The following ZNF232 variants were observed in gnomAD, a reference collection of about 807,000 sequenced individuals.
ZNF232 encodes the protein zinc finger protein 232.
Under a neutral mutation model 25.2 loss-of-function variants are expected in ZNF232, and 25 were observed. That is an observed-to-expected ratio of 0.99 (90% confidence interval 0.72 to 1.39). ZNF232 has a LOEUF of 1.39. Ranked by LOEUF, ZNF232 falls within the 40% of genes most tolerant of loss-of-function variation. The probability of loss-of-function intolerance (pLI) is 0.00; values close to 1 mark genes in which losing one functional copy is unlikely to be tolerated. For synonymous variants in ZNF232, 193 were observed against 182.9 expected (o/e 1.06, Z -0.45); for missense variants, 519 against 520.9 (o/e 1.00, Z 0.04).
upstream of ZNF232, among the ~76,000 whole-genome samples, chr17:5,115,555 A>AACACACACACACACACACACACACACAC (rs61171102): frequency 1.4e-3 from 204 of 148,766 alleles, 2 homozygotes; most frequent in South Asian, 6.1e-3. Context: ...CGTCTCCAAA[A>AACACACACACACACACACACACACACAC]ACACACACAC....
intron 1 of ZNF232, among the ~76,000 whole-genome samples, chr17:5,117,370 G>T (rs1469598035): frequency 6.6e-6 from 1 of 152,102 alleles, no homozygotes; most frequent in East Asian, 1.9e-4. Flanking sequence ...ACAAAAATTA[G>T]CCGGGTGTGG....
intron 1 of ZNF232, among the ~76,000 whole-genome samples, chr17:5,118,711 G>A (rs1329543654): frequency 6.6e-6 from 1 of 152,214 alleles, no homozygotes; most frequent in Non-Finnish European, 1.5e-5. Context: ...GGATGGTGAA[G>A]GTGGAGAATT....
chr17:5,111,383 G>C, intron 1 of ZNF232: 1 of 252,310 alleles, frequency 4.0e-6, no homozygotes, highest in East Asian at 8.4e-5. Context: ...GAGCACAAAG[G>C]GGGACCGCTG....
At chr17:5,109,535 C>T in exon 2 of ZNF232, 1 of 1,614,192 alleles carries the variant, frequency 6.2e-7, no homozygotes. Context: ...CCAGGAACTC[C>T]AGGATCTGCT....
At chr17:5,114,144 T>C (rs925899780), upstream of ZNF232, 2 of 152,232 alleles carry the variant, frequency 1.3e-5, no homozygotes, top group Non-Finnish European at 2.9e-5. Context: ...TCTTTATCAT[T>C]ACTGTCTTCC....
exon 4 of ZNF232, chr17:5,106,461 G>A: frequency 6.2e-7 from 1 of 1,614,212 alleles, no homozygotes; most frequent in Non-Finnish European, 8.5e-7. Context: ...GGGTGGTTGT[G>A]GCAATGATCC....
exon 4 of ZNF232, chr17:5,105,851 A>G: frequency 6.2e-7 from 1 of 1,603,558 alleles, no homozygotes; most frequent in Non-Finnish European, 8.5e-7. Flanking sequence ...TTCTGGCATG[A>G]ACTCTCCGAT....
intron 1 of ZNF232, among the ~76,000 whole-genome samples, 178 bp from the exon 2 acceptor site, chr17:5,110,046 C>T (rs2072363070): frequency 6.6e-6 from 1 of 152,164 alleles, no homozygotes; most frequent in South Asian, 2.1e-4. Flanking sequence ...CCTGCCACCA[C>T]ATCCAGCTAA....
chr17:5,122,464 C>A (rs144944451), intron 1 of ZNF232, among the ~76,000 whole-genome samples: 56 of 152,320 alleles, frequency 3.7e-4, no homozygotes, highest in African/African-American at 1.2e-3. Context: ...TTTTTGCTCC[C>A]CGAAAAGGTT....
chr17:5,105,962 G>A, exon 4 of ZNF232: 1 of 1,614,156 alleles, frequency 6.2e-7, no homozygotes, highest in South Asian at 1.1e-5. Flanking sequence ...TTAGATATGA[G>A]CTTTGACTAA....
chr17:5,106,222 TGAA>T, exon 4 of ZNF232: 2 of 1,614,264 alleles, frequency 1.2e-6, no homozygotes, highest in Non-Finnish European at 1.7e-6. Context: ...GAGTTATAAA[TGAA>T]GGTTTTACCA....
chr17:5,120,800 T>G (rs1195003346), intron 1 of ZNF232: 4 of 450,428 alleles, frequency 8.9e-6, no homozygotes, highest in Non-Finnish European at 1.8e-5. Context: ...TGGGTGGCCA[T>G]ATGTAAGCAG....
At chr17:5,110,145 G>A (rs1036811313) in intron 1 of ZNF232, among the ~76,000 whole-genome samples, 1 of 152,076 alleles carries the variant, frequency 6.6e-6, no homozygotes, top group African/African-American at 2.4e-5. Flanking sequence ...ACCCACCTCG[G>A]CCTCCCAAAG....
Position 5,109,486 on chromosome 17 carries a change from G to A in ZNF232, c.406C>T (p.Gln136Ter), listed in dbSNP as rs765272244. 2 of 1,614,140 alleles carry A rather than the reference G, an allele frequency of 1.2e-6. No individual in the cohort carries two copies. Among genetic ancestry groups the A allele is most frequent in the South Asian group, 1.1e-5 (1 of 91,078 alleles). ...GGGTGATGTCCCCGCACCCAGGATT[G>A]GAGCTCCTCAGGCAGGATGGTCAAG... is the stretch of plus-strand genomic sequence containing the variant. The change falls in exon 2 of 4, where the codon CAA becomes TAA. Residue 136 changes from glutamine to a stop codon, truncating the protein, a stop_gained. Transcript: ENST00000575898. LOFTEE classifies it high-confidence loss of function.
At chr17:5,116,960 G>T (rs2072551937) in intron 1 of ZNF232, among the ~76,000 whole-genome samples, 1 of 152,208 alleles carries the variant, frequency 6.6e-6, no homozygotes, top group Non-Finnish European at 1.5e-5. Context: ...GGGCAAGAGG[G>T]CGGTGCCTAC....
upstream of ZNF232, chr17:5,115,152 C>T (rs912777054): frequency 2.8e-5 from 4 of 141,492 alleles, no homozygotes; most frequent in Non-Finnish European, 6.1e-5. Context: ...GGCATCAGGA[C>T]GTCTCATTTT....
upstream of ZNF232, chr17:5,113,728 C>G (rs1284726209): frequency 6.6e-6 from 1 of 152,170 alleles, no homozygotes; most frequent in African/African-American, 2.4e-5. Context: ...GACATCCACC[C>G]TAGAGTTCAG....
At chr17:5,120,162 C>T (rs1162617524) in intron 1 of ZNF232, among the ~76,000 whole-genome samples, 1 of 152,182 alleles carries the variant, frequency 6.6e-6, no homozygotes, top group East Asian at 1.9e-4. Context: ...GGCTTTGAGG[C>T]TGGTTATACA....
chr17:5,120,837 T>A (rs1214370272), intron 1 of ZNF232: 1 of 454,116 alleles, frequency 2.2e-6, no homozygotes, highest in Non-Finnish European at 4.4e-6. Flanking sequence ...GCACATGTGC[T>A]GCATGCTGGT....
Sources: gnomAD v4.1 joint callset for allele counts (sites outside exome capture counted in the v4.1 genomes callset) on GRCh38, gnomAD v4.1.1 for gene constraint, MANE v1.5 for transcripts, NCBI Gene and HGNC (gene_info 2026-07-23, HGNC 2026-07-21) for gene names.